The following CC2D2B variants were observed in gnomAD, a reference collection of about 807,000 sequenced individuals.
CC2D2B encodes coiled-coil and C2 domain containing 2B.
A neutral mutation model predicts 161.2 loss-of-function variants in CC2D2B; 128 were observed. The observed-to-expected ratio is 0.79, with a 90% CI of 0.69 to 0.92. The LOEUF (loss-of-function observed/expected upper bound fraction) is 0.92. CC2D2B is among the 40% of genes least tolerant of loss of function. The pLI, the probability that CC2D2B is intolerant of heterozygous loss-of-function variation, is 0.00. For missense variants in CC2D2B, 1,173 were observed against 1,375.1 expected, an observed-to-expected ratio of 0.85 and a Z score of 2.32; for synonymous variants, 391 against 449.8, an observed-to-expected ratio of 0.87 and a Z score of 1.65.
chr10:96,022,282 AC>A (rs894833683), intron 32 of CC2D2B, among the ~76,000 whole-genome samples: 46 of 152,252 alleles, frequency 3.0e-4, no homozygotes, highest in African/African-American at 1.1e-3. Flanking sequence ...AAATTGCACC[AC>A]TGCACTCCAG....
chr10:95,938,191 T>C lies in CC2D2B; in HGVS notation c.535+2T>C, dbSNP rs1378078913. Reference sequence around the variant, plus strand: ...TTTTTGTACCAAGTAGTTCTCCAGGTAACATTCTTTCCCAGTAAAATATTC... The same window carrying C: ...TTTTTGTACCAAGTAGTTCTCCAGGCAACATTCTTTCCCAGTAAAATATTC... On this transcript the variant is annotated splice_donor_variant, in intron 7 of 34. Transcript: ENST00000646931. LOFTEE classifies it high-confidence loss of function. 4 of 1,531,708 alleles carry C rather than the reference T, an allele frequency of 2.6e-6. No individual in the cohort carries two copies. The Admixed American group carries it at 7.9e-5, about 30-fold the overall frequency. 94.9% of individuals were successfully genotyped at this position (1,531,708 alleles called of 1,614,324 possible). A position where few individuals can be genotyped will look rare whatever the true frequency, so the allele number is the denominator to read the frequency against.
rs202019472 is a variant in CC2D2B at position 95,947,109 on chromosome 10, ATATAT to A, written c.802-2785_802-2781del. On this transcript the variant is annotated intron_variant, in intron 9 of 34. Coordinates refer to ENST00000646931, the MANE Select transcript of CC2D2B (RefSeq NM_001349008.3). ...TATATATATATATATATATATATAT[ATATAT>A]TTTTTTTTTTTTTTTTGAGACAAAG... is the stretch of plus-strand genomic sequence containing the variant. 0.01 allele frequency among the ~76,000 whole-genome samples: 416 copies of A among 40,044 alleles called. 5 individuals are homozygous for A. In the East Asian group the frequency reaches 0.15, roughly 14 times the overall value. 26.3% of individuals were successfully genotyped at this position (40,044 alleles called of 152,430 possible). A position where few individuals can be genotyped will look rare whatever the true frequency, so the allele number is the denominator to read the frequency against.
intron 9 of CC2D2B, among the ~76,000 whole-genome samples, chr10:95,945,705 G>A (rs1304324910): frequency 1.3e-5 from 2 of 151,504 alleles, no homozygotes; most frequent in African/African-American, 4.9e-5. Context: ...TAACTCACTC[G>A]GTCAAGTGCT....
At chr10:96,028,588 T>G (rs2079886420) in intron 34 of CC2D2B, among the ~76,000 whole-genome samples, 1 of 152,106 alleles carries the variant, frequency 6.6e-6, no homozygotes, top group African/African-American at 2.4e-5. Flanking sequence ...AAACTAAAAA[T>G]AGAGCTACCA....
intron 2 of CC2D2B, among the ~76,000 whole-genome samples, chr10:95,916,982 T>C (rs959808326): frequency 6.6e-6 from 1 of 152,186 alleles, no homozygotes; most frequent in Non-Finnish European, 1.5e-5. Flanking sequence ...GTGTTGAAAG[T>C]GGGCTGTTGA....
intron 9 of CC2D2B, among the ~76,000 whole-genome samples, chr10:95,945,706 G>A (rs908618801): frequency 2.0e-5 from 3 of 151,116 alleles, no homozygotes; most frequent in African/African-American, 7.3e-5. Context: ...AACTCACTCG[G>A]TCAAGTGCTG....
At chr10:96,024,169 G>A (rs1244031998) in intron 32 of CC2D2B, among the ~76,000 whole-genome samples, 2 of 152,206 alleles carry the variant, frequency 1.3e-5, no homozygotes, top group Non-Finnish European at 2.9e-5. Flanking sequence ...AAGGGAACTG[G>A]AAGAAACGTG....
At position 95,991,362 on chromosome 10, in the gene CC2D2B, T is replaced by A; in HGVS notation, c.2380-8T>A. ...TACATTTTTTATTAAATTCTAAATT[T>A]TTTTTAGGTGAGAAGGTTGATAATG... On this transcript the variant is annotated splice_region_variant and splice_polypyrimidine_tract_variant and intron_variant, in intron 20 of 34. Coordinates refer to ENST00000646931, the MANE Select transcript of CC2D2B (RefSeq NM_001349008.3). The A allele has an allele frequency of 1.0e-6, 1 of 954,932 alleles. No homozygotes were observed. Among genetic ancestry groups the A allele is most frequent in the Non-Finnish European group, 1.4e-6 (1 of 735,068 alleles). The allele number at this position is 954,932 out of a possible 1,614,324, so 59.2% of individuals were successfully genotyped here.
At chr10:96,028,495 G>A (rs2079879985) in intron 34 of CC2D2B, among the ~76,000 whole-genome samples, 1 of 152,160 alleles carries the variant, frequency 6.6e-6, no homozygotes, top group Admixed American at 6.5e-5. Flanking sequence ...AGAGGATGTG[G>A]AGAAAAGGAA....
Position 96,019,208 on chromosome 10 carries a change from T to C in CC2D2B, c.3636T>C (p.His1212=). ...CTTTCTTTTTTCTCATACAGGGGCA[T>C]GTGGCTTATGTAGTAACTCAAGAAA... The part of the protein sequence containing the change: ...VLLGTSVLEG[H]VAYVVTQETN... Residue 1212 remains histidine (H), a synonymous_variant, in exon 31 of 35, where the codon CAT becomes CAC. Coordinates refer to ENST00000646931, the MANE Select transcript of CC2D2B (RefSeq NM_001349008.3). 2.5e-6 allele frequency: 4 copies of C among 1,595,366 alleles called. No homozygotes were observed. Among genetic ancestry groups the C allele is most frequent in the Non-Finnish European group, 3.4e-6 (4 of 1,173,836 alleles).
chr10:96,000,274 C>T, intron 24 of CC2D2B: 1 of 1,108,994 alleles, frequency 9.0e-7, no homozygotes, highest in Non-Finnish European at 1.1e-6. Flanking sequence ...GATGGCTGCT[C>T]CAGCCGAAAG....
chr10:95,928,555 C>G (rs185421329), intron 6 of CC2D2B, among the ~76,000 whole-genome samples: 23 of 152,238 alleles, frequency 1.5e-4, no homozygotes, highest in Admixed American at 3.3e-4. Flanking sequence ...CTATGCCTCC[C>G]CTCGCCCCCA....
Position 95,992,531 on chromosome 10 carries a change from T to C in CC2D2B, c.2476T>C (p.Leu826=), listed in dbSNP as rs2077997245. 1 of 1,234,192 alleles carries C rather than the reference T, an allele frequency of 8.1e-7. No homozygotes were observed. Among genetic ancestry groups the C allele is most frequent in the Non-Finnish European group, 1.0e-6 (1 of 988,068 alleles). 76.5% of individuals were successfully genotyped at this position (1,234,192 alleles called of 1,614,324 possible). The change falls in exon 22 of 35, where the codon TTG becomes CTG. Residue 826 remains leucine (L), a synonymous_variant. Coordinates refer to ENST00000646931, the MANE Select transcript of CC2D2B (RefSeq NM_001349008.3). The part of the protein sequence containing the change: ...DYEEIVSTSQ[L]TDAVCKFVEP... ...TGATCATTTTTTACCCTTTAGCCAATTGACAGATGCAGTTTGTAAGTTTGT... is the reference window on the plus strand; with the variant it reads ...TGATCATTTTTTACCCTTTAGCCAACTGACAGATGCAGTTTGTAAGTTTGT...
chr10:95,912,307 G>C lies in CC2D2B; in HGVS notation c.36+948G>C, dbSNP rs144551224. 3.6e-4 allele frequency among the ~76,000 whole-genome samples: 55 copies of C among 152,208 alleles called. 1 individual carries two copies. The East Asian group carries it at 9.6e-3, about 27-fold the overall frequency. Reference sequence around the variant, plus strand: ...AATAGTTTACCTATAGAATATTGAGGTTTATAAAAACTGGAAAAGAAATGC... The same window carrying C: ...AATAGTTTACCTATAGAATATTGAGCTTTATAAAAACTGGAAAAGAAATGC... On this transcript the variant is annotated intron_variant, in intron 2 of 34. Transcript: ENST00000646931.
chr10:96,009,706 T>C (rs145986437), intron 25 of CC2D2B, 119 bp from the exon 26 acceptor site: 17 of 488,676 alleles, frequency 3.5e-5, no homozygotes, highest in African/African-American at 1.4e-4. Flanking sequence ...TCTTTTCTAT[T>C]TATCTTTTGA....
chr10:95,981,326 G>C (rs2077516711), intron 17 of CC2D2B, among the ~76,000 whole-genome samples: 1 of 148,932 alleles, frequency 6.7e-6, no homozygotes, highest in Non-Finnish European at 1.5e-5. Flanking sequence ...CTGGGAGGCA[G>C]AGGTTGCAGT....
intron 6 of CC2D2B, among the ~76,000 whole-genome samples, chr10:95,935,275 G>C (rs1412459621): frequency 6.6e-6 from 1 of 152,120 alleles, no homozygotes; most frequent in African/African-American, 2.4e-5. Context: ...TTACTCAAAT[G>C]CTTCAAATCC....
rs1033548325 is a variant in CC2D2B at position 96,012,281 on chromosome 10, A to C, written c.3142A>C (p.Asn1048His). The stretch of plus-strand genomic sequence containing the variant: ...TCCTAAAGAAGATTCCAATGAGCAG[A>C]ATTTAAAAGAATGTACATTCTTAAA... ...VFPKEDSNEQNLKECTFLNIF... is the reference protein window; with the variant it reads ...VFPKEDSNEQHLKECTFLNIF... Residue 1048 changes from asparagine to histidine, a missense_variant, in exon 27 of 35, where the codon AAT becomes CAT. Asn to His is a moderately conservative substitution (Grantham distance 68). Transcript: ENST00000646931. The C allele has an allele frequency of 7.0e-6, 5 of 714,376 alleles. No individual in the cohort carries two copies. In the African/African-American group the frequency reaches 8.7e-5, roughly 12 times the overall value. 44.3% of individuals were successfully genotyped at this position (714,376 alleles called of 1,614,324 possible). A position where few individuals can be genotyped will look rare whatever the true frequency, so the allele number is the denominator to read the frequency against.
At chr10:95,964,398 C>T (rs1050578788) in intron 12 of CC2D2B, among the ~76,000 whole-genome samples, 6 of 152,156 alleles carry the variant, frequency 3.9e-5, no homozygotes, top group African/African-American at 1.4e-4. Context: ...ATGGTCTGGA[C>T]ATCATGAGTT....
Sources: gnomAD v4.1 joint callset for allele counts (sites outside exome capture counted in the v4.1 genomes callset) on GRCh38, gnomAD v4.1.1 for gene constraint, MANE v1.5 for transcripts, NCBI Gene and HGNC (gene_info 2026-07-23, HGNC 2026-07-21) for gene names.